GRM7: variants seen among roughly 807,000 people sequenced by gnomAD.
GRM7 encodes glutamate metabotropic receptor 7.
GRM7 carries 35 observed loss-of-function variants against 84.5 expected under a neutral mutation model. The observed-to-expected ratio is 0.41, with a 90% CI of 0.32 to 0.55. The LOEUF (loss-of-function observed/expected upper bound fraction) is 0.55, where lower values mean the gene tolerates loss of function less well. Among genes scored for constraint, GRM7 ranks in the 20% least tolerant of loss-of-function variants. GRM7 has a pLI of 0.19. For synonymous variants in GRM7, 487 were observed against 455.1 expected (o/e 1.07, Z -0.89); for missense variants, 1,003 against 1,194.6 (o/e 0.84, Z 2.36).
chr3:7,662,861 T>C (rs1163616838), intron 8 of GRM7, among the ~76,000 whole-genome samples: 1 of 152,154 alleles, frequency 6.6e-6, no homozygotes, highest in Non-Finnish European at 1.5e-5. Context: ...CTTACATGTA[T>C]CTAGGCACAA....
At chr3:6,887,807 C>A (rs537173613) in intron 1 of GRM7, among the ~76,000 whole-genome samples, 1 of 152,350 alleles carries the variant, frequency 6.6e-6, no homozygotes, top group East Asian at 1.9e-4. Context: ...AATGGCCACA[C>A]TGTCTTCCAC....
At chr3:6,977,506 A>G (rs1298485785) in intron 1 of GRM7, among the ~76,000 whole-genome samples, 1 of 152,162 alleles carries the variant, frequency 6.6e-6, no homozygotes, top group Non-Finnish European at 1.5e-5. Context: ...GTCACAAAAG[A>G]TGGGACGTCT....
At chr3:7,118,690 C>T (rs540294944) in intron 1 of GRM7, among the ~76,000 whole-genome samples, 1 of 151,932 alleles carries the variant, frequency 6.6e-6, no homozygotes, top group Non-Finnish European at 1.5e-5. Context: ...AAAATCACCC[C>T]TTTTCACATG....
intron 9 of GRM7, chr3:7,691,140 T>C (rs1700786505): frequency 2.1e-6 from 1 of 476,920 alleles, no homozygotes; most frequent in African/African-American, 2.0e-5. Context: ...TCTAAATGAC[T>C]ATTCTCATGT....
intron 1 of GRM7, among the ~76,000 whole-genome samples, chr3:6,921,085 G>C (rs1166405641): frequency 6.6e-6 from 1 of 152,176 alleles, no homozygotes; most frequent in Non-Finnish European, 1.5e-5. Context: ...CATTGGCTTC[G>C]AGAAGTCTGT....
intron 2 of GRM7, among the ~76,000 whole-genome samples, chr3:7,235,056 A>G (rs918137788): frequency 1.3e-5 from 2 of 152,184 alleles, no homozygotes; most frequent in Non-Finnish European, 2.9e-5. Flanking sequence ...TTATCTAAGC[A>G]TCTCCCTCAT....
intron 2 of GRM7, among the ~76,000 whole-genome samples, chr3:7,179,113 A>G (rs1231735955): frequency 6.6e-6 from 1 of 152,036 alleles, no homozygotes; most frequent in African/African-American, 2.4e-5. Context: ...TTAAAAAAAT[A>G]AAAAAATGTT....
At chr3:7,136,189 T>A (rs2125058052) in intron 1 of GRM7, among the ~76,000 whole-genome samples, 1 of 152,190 alleles carries the variant, frequency 6.6e-6, no homozygotes, top group Non-Finnish European at 1.5e-5. Context: ...TATTCATTTT[T>A]TTTTTCTATT....
At chr3:7,734,842 A>T (rs1702451429) in intron 9 of GRM7, among the ~76,000 whole-genome samples, 1 of 152,206 alleles carries the variant, frequency 6.6e-6, no homozygotes, top group Non-Finnish European at 1.5e-5. Flanking sequence ...TAGTAAATTT[A>T]AAAAAGGATT....
At chr3:6,996,424 C>T (rs1499164) in intron 1 of GRM7, among the ~76,000 whole-genome samples, 151,334 of 152,332 alleles carry the variant, frequency 0.99, 75,178 homozygotes, top group African/African-American at 1. Context: ...TCATAACAAA[C>T]GAACGATTTA....
intron 2 of GRM7, among the ~76,000 whole-genome samples, chr3:7,179,736 CA>C (rs1695275263): frequency 1.3e-5 from 2 of 152,242 alleles, no homozygotes; most frequent in South Asian, 4.1e-4. Context: ...GTAAGAAGTG[CA>C]ATGCTTGTCT....
chr3:7,401,149 A>T (rs1413328182), intron 4 of GRM7, among the ~76,000 whole-genome samples: 1 of 151,994 alleles, frequency 6.6e-6, no homozygotes, highest in African/African-American at 2.4e-5. Context: ...CCATTTTCTG[A>T]TTTCATCCAA....
At chr3:7,580,528 A>T (rs956678290) in intron 8 of GRM7, among the ~76,000 whole-genome samples, 1 of 152,202 alleles carries the variant, frequency 6.6e-6, no homozygotes, top group African/African-American at 2.4e-5. Flanking sequence ...TCTCCATATA[A>T]TCATACAAAG....
Position 7,734,367 on chromosome 3 carries a change from A to G in GRM7, c.2699-5990A>G, listed in dbSNP as rs994636301. Among the ~76,000 whole-genome samples the G allele has an allele frequency of 7.9e-5, 12 of 152,290 alleles. No homozygotes were observed. In the East Asian group the frequency reaches 1.4e-3, roughly 17 times the overall value. ...GCTGATGACACATGGCAGCTTTAAT[A>G]TATTTGTTAAAAAATGTGAATATAC... On this transcript the variant is annotated intron_variant, in intron 9 of 9. Coordinates refer to ENST00000357716, the MANE Select transcript of GRM7 (RefSeq NM_000844.4).
chr3:7,159,678 G>A (rs1388002797), intron 2 of GRM7, among the ~76,000 whole-genome samples: 1 of 152,070 alleles, frequency 6.6e-6, no homozygotes, highest in African/African-American at 2.4e-5. Context: ...TTAAATACTA[G>A]CTCTACTCAC....
chr3:6,948,598 C>A (rs556020630), intron 1 of GRM7, among the ~76,000 whole-genome samples: 4 of 152,236 alleles, frequency 2.6e-5, no homozygotes, highest in Non-Finnish European at 5.9e-5. Context: ...GAGTTCAATT[C>A]CTGTATATCC....
At chr3:7,666,770 A>ATATATTATATATTGCATTACT (rs1559474885) in intron 8 of GRM7, among the ~76,000 whole-genome samples, 2 of 152,108 alleles carry the variant, frequency 1.3e-5, no homozygotes, top group Non-Finnish European at 1.5e-5. Context: ...TTCTTATTAC[A>ATATATTATATATTGCATTACT]TATATTATAT....
At chr3:7,300,725 A>G (rs767594529) in intron 3 of GRM7, among the ~76,000 whole-genome samples, 21 of 152,042 alleles carry the variant, frequency 1.4e-4, no homozygotes, top group Non-Finnish European at 3.1e-4. Context: ...CTGTCCTCTC[A>G]GGGAAGATTT....
At chr3:7,302,910 G>T (rs1292582137) in intron 3 of GRM7, among the ~76,000 whole-genome samples, 1 of 143,468 alleles carries the variant, frequency 7.0e-6, no homozygotes, top group African/African-American at 2.7e-5. Context: ...TAGGCCAGAA[G>T]TATTAACATT....
Sources: allele counts gnomAD v4.1 joint callset (sites outside exome capture counted in the v4.1 genomes callset), GRCh38; gene constraint gnomAD v4.1.1; transcripts MANE v1.5; gene names NCBI Gene and HGNC (gene_info 2026-07-23, HGNC 2026-07-21).